RASGRP1: variants seen among roughly 807,000 people sequenced by gnomAD.
RASGRP1 encodes RAS guanyl releasing protein 1, also known as RAS guanyl-releasing protein 1.
RASGRP1 carries 37 observed loss-of-function variants against 95.1 expected under a neutral mutation model. That is an observed-to-expected ratio of 0.39 (90% CI 0.30 to 0.51). The LOEUF (loss-of-function observed/expected upper bound fraction) is 0.51, where lower values mean the gene tolerates loss of function less well. Among genes scored for constraint, RASGRP1 ranks in the 20% least tolerant of loss-of-function variants. The probability of loss-of-function intolerance (pLI) is 0.80; values close to 1 mark genes in which losing one functional copy is unlikely to be tolerated. For synonymous variants in RASGRP1, 325 were observed against 353.4 expected, an observed-to-expected ratio of 0.92 and a Z score of 0.90; for missense variants, 711 against 965.4, an observed-to-expected ratio of 0.74 and a Z score of 3.49.
chr15:38,499,556 CT>C (rs1890929411), intron 14 of RASGRP1, among the ~76,000 whole-genome samples: 1 of 152,232 alleles, frequency 6.6e-6, no homozygotes, highest in African/African-American at 2.4e-5. Flanking sequence ...AGGCATTTCT[CT>C]CTTCGGTGTG....
intron 2 of RASGRP1, among the ~76,000 whole-genome samples, chr15:38,529,859 C>T (rs1892373192): frequency 6.6e-6 from 1 of 152,230 alleles, no homozygotes; most frequent in African/African-American, 2.4e-5. Flanking sequence ...CATTTATCTT[C>T]TTCCTGGTCA....
At chr15:38,515,908 A>AGTGTGTGT (rs762200050) in intron 6 of RASGRP1, among the ~76,000 whole-genome samples, 1 of 116,224 alleles carries the variant, frequency 8.6e-6, no homozygotes, top group Non-Finnish European at 2.0e-5. Context: ...AGAGAGAGAG[A>AGTGTGTGT]GAGTGTGTGT....
At chr15:38,510,171 G>C (rs1891445534) in intron 8 of RASGRP1, among the ~76,000 whole-genome samples, 4 of 152,212 alleles carry the variant, frequency 2.6e-5, no homozygotes. Flanking sequence ...TGAGGGTCAA[G>C]TAGCTACCGA....
At chr15:38,500,735 T>A (rs1890981073) in intron 13 of RASGRP1, among the ~76,000 whole-genome samples, 1 of 152,022 alleles carries the variant, frequency 6.6e-6, no homozygotes, top group African/African-American at 2.4e-5. Flanking sequence ...CTGAGAAGGA[T>A]ATAGAGCCTT....
intron 5 of RASGRP1, among the ~76,000 whole-genome samples, chr15:38,516,632 A>G (rs8024397): frequency 0.049 from 7,426 of 151,880 alleles, 473 homozygotes; most frequent in African/African-American, 0.15. Context: ...AGTCTCAGGT[A>G]TCGGTCAGTT....
At chr15:38,537,701 T>C (rs986737105) in intron 2 of RASGRP1, among the ~76,000 whole-genome samples, 2 of 152,224 alleles carry the variant, frequency 1.3e-5, no homozygotes, top group Admixed American at 1.3e-4. Flanking sequence ...CCAGGCCCCA[T>C]CTCCAACATT....
Position 38,546,686 on chromosome 15 carries a change from T to C in RASGRP1, c.220+13135A>G, listed in dbSNP as rs1893119250. ...TCAGCATTAGGACTGGACCTCAGGA[T>C]AGAATGGAGGCATTACTCCCTTAAC... On this transcript the variant is annotated intron_variant, in intron 2 of 16. Coordinates refer to ENST00000310803, the MANE Select transcript of RASGRP1 (RefSeq NM_005739.4). Among the ~76,000 whole-genome samples the C allele has an allele frequency of 2.0e-5, 3 of 152,348 alleles. No individual in the cohort carries two copies. The South Asian group carries it at 6.2e-4, about 32-fold the overall frequency.
chr15:38,508,858 C>CAA (rs1156275839), intron 8 of RASGRP1, among the ~76,000 whole-genome samples: 9 of 152,210 alleles, frequency 5.9e-5, no homozygotes, highest in African/African-American at 2.2e-4. Context: ...CATGAAGTGA[C>CAA]TGTCTGCCAA....
chr15:38,536,226 C>T (rs1289750777), intron 2 of RASGRP1, among the ~76,000 whole-genome samples: 1 of 152,144 alleles, frequency 6.6e-6, no homozygotes, highest in Non-Finnish European at 1.5e-5. Context: ...AGACATTGAC[C>T]ATTCCCATGC....
chr15:38,512,361 C>G (rs1019189537), intron 7 of RASGRP1, among the ~76,000 whole-genome samples: 2 of 152,100 alleles, frequency 1.3e-5, no homozygotes, highest in African/African-American at 2.4e-5. Context: ...TATAAAATGC[C>G]CCTCAAACAT....
At chr15:38,525,305 G>T (rs1892174146) in intron 3 of RASGRP1, among the ~76,000 whole-genome samples, 1 of 152,006 alleles carries the variant, frequency 6.6e-6, no homozygotes, top group Non-Finnish European at 1.5e-5. Context: ...CAACAAATAA[G>T]TTTTTAGGGA....
chr15:38,525,061 A>G (rs1357940092), intron 3 of RASGRP1, among the ~76,000 whole-genome samples: 1 of 150,348 alleles, frequency 6.7e-6, no homozygotes, highest in African/African-American at 2.5e-5. Flanking sequence ...TCCACTTCCC[A>G]GGTTCAAGTG....
intron 1 of RASGRP1, among the ~76,000 whole-genome samples, chr15:38,563,806 C>T (rs1014725905): frequency 6.6e-6 from 1 of 152,206 alleles, no homozygotes; most frequent in African/African-American, 2.4e-5. Context: ...CTTCCTGCCG[C>T]TACTGGGTAT....
chr15:38,533,713 G>A (rs1248618760), intron 2 of RASGRP1, among the ~76,000 whole-genome samples: 1 of 152,190 alleles, frequency 6.6e-6, no homozygotes, highest in African/African-American at 2.4e-5. Context: ...GAACAATCGG[G>A]AGAAAGCAAG....
At chr15:38,532,552 G>T (rs1017949565) in intron 2 of RASGRP1, among the ~76,000 whole-genome samples, 2 of 152,176 alleles carry the variant, frequency 1.3e-5, no homozygotes, top group African/African-American at 4.8e-5. Context: ...ATCACAATCA[G>T]GGTGGAAAAG....
chr15:38,499,209 G>T, intron 14 of RASGRP1: 1 of 605,542 alleles, frequency 1.7e-6, no homozygotes. Flanking sequence ...ATGGTGTCCT[G>T]GTATCCCATA....
intron 2 of RASGRP1, among the ~76,000 whole-genome samples, chr15:38,542,897 A>ATATATATACACATATATATGTGTG (rs1566933537): frequency 7.2e-5 from 10 of 139,528 alleles, no homozygotes; most frequent in Middle Eastern, 3.8e-3. Context: ...ATATATGTGT[A>ATATATATACACATATATATGTGTG]TATATATACA....
intron 9 of RASGRP1, 48 bp downstream of exon 9, chr15:38,507,678 C>T (rs1315971458): frequency 2.0e-6 from 3 of 1,533,200 alleles, no homozygotes; most frequent in Non-Finnish European, 2.6e-6. Context: ...AGAATGGCAC[C>T]TGGCACACAG....
Position 38,502,431 on chromosome 15 carries a change from A to G in RASGRP1, c.1429-10T>C. Reference sequence around the variant, plus strand: ...AGTTCTTGAAGACAGACTGTGAAAAAGGAGTTTTTTTGGTGATTACTAAAG... The same window carrying G: ...AGTTCTTGAAGACAGACTGTGAAAAGGGAGTTTTTTTGGTGATTACTAAAG... On this transcript the variant is annotated splice_polypyrimidine_tract_variant and intron_variant, in intron 11 of 16. Transcript: ENST00000310803. The G allele has an allele frequency of 6.5e-7, 1 of 1,546,366 alleles. No individual in the cohort carries two copies. Among genetic ancestry groups the G allele is most frequent in the South Asian group, 1.1e-5 (1 of 88,440 alleles).
Sources: gnomAD v4.1 joint callset for allele counts (sites outside exome capture counted in the v4.1 genomes callset) on GRCh38, gnomAD v4.1.1 for gene constraint, MANE v1.5 for transcripts, NCBI Gene and HGNC (gene_info 2026-07-23, HGNC 2026-07-21) for gene names.